The following COX7A2L variants were observed in gnomAD, a reference collection of about 807,000 sequenced individuals.
COX7A2L encodes the protein cytochrome c oxidase subunit 7A2-like, mitochondrial.
In COX7A2L, 18 loss-of-function variants were observed where a neutral mutation model predicts 14.2. The observed-to-expected ratio is 1.27, with a 90% CI of 0.88 to 1.88. COX7A2L has a LOEUF of 1.88. Among genes scored for constraint, COX7A2L ranks in the 40% most tolerant of loss-of-function variants. The pLI is 0.00. For missense variants in COX7A2L, 179 were observed against 138.8 expected (o/e 1.29, Z -1.46); for synonymous variants, 65 against 57.4 (o/e 1.13, Z -0.60).
At chr2:42,349,003 G>A (rs1447947498), downstream of COX7A2L, among the ~76,000 whole-genome samples, 1 of 152,138 alleles carries the variant, frequency 6.6e-6, no homozygotes, top group Non-Finnish European at 1.5e-5. Flanking sequence ...AAAAGGAACT[G>A]CATGTGCTGG....
At chr2:42,357,408 A>G in intron 1 of COX7A2L, among the ~76,000 whole-genome samples, 1 of 152,186 alleles carries the variant, frequency 6.6e-6, no homozygotes. Flanking sequence ...TCCTAGGCTC[A>G]AGTGATCCTT....
downstream of COX7A2L, among the ~76,000 whole-genome samples, chr2:42,347,945 A>G (rs1358543023): frequency 2.6e-5 from 4 of 152,178 alleles, no homozygotes; most frequent in Non-Finnish European, 5.9e-5. Flanking sequence ...ATGCATCTAT[A>G]TATGTTCATA....
upstream of COX7A2L, among the ~76,000 whole-genome samples, chr2:42,364,250 C>CAAAAAAAAAAA (rs35151680): frequency 3.6e-4 from 31 of 85,412 alleles, no homozygotes; most frequent in African/African-American, 1.1e-3. Context: ...GACTCCGTCT[C>CAAAAAAAAAAA]AAAAAAAAAA....
intron 1 of COX7A2L, among the ~76,000 whole-genome samples, chr2:42,358,660 A>G (rs1670908859): frequency 6.6e-6 from 1 of 152,230 alleles, no homozygotes; most frequent in Admixed American, 6.5e-5. Context: ...TCAAATTCTC[A>G]AGAGAAACAC....
intron 2 of COX7A2L, among the ~76,000 whole-genome samples, chr2:42,340,716 A>G: frequency 6.6e-6 from 1 of 151,920 alleles, no homozygotes; most frequent in East Asian, 1.9e-4. Context: ...ACAGCGCCCC[A>G]GTGGGAGCTT....
intron 2 of COX7A2L, among the ~76,000 whole-genome samples, chr2:42,341,038 C>A (rs1049986700): frequency 3.3e-5 from 4 of 120,186 alleles, no homozygotes; most frequent in Non-Finnish European, 7.5e-5. Context: ...CCCACGCTGG[C>A]TTAGAGATTC....
rs1670340769 is a variant in COX7A2L at position 42,338,781 on chromosome 2, A to G, written c.193-4912T>C. ...CAGGGAGAATTACTGCTTCCCATGA[A>G]AGCATTTTCCAGTGAGTGGAGGTGG... On this transcript the variant is annotated intron_variant, in intron 2 of 2. Coordinates refer to the COX7A2L transcript ENST00000468711. The surrounding 1 kb of genome is among the most constrained non-coding windows in gnomAD (Gnocchi z 4.4). Among the ~76,000 whole-genome samples the G allele has an allele frequency of 6.6e-6, 1 of 152,224 alleles. No homozygotes were observed. Among genetic ancestry groups the G allele is most frequent in the African/African-American group, 2.4e-5 (1 of 41,456 alleles).
intron 1 of COX7A2L, among the ~76,000 whole-genome samples, chr2:42,367,846 T>A (rs931040461): frequency 6.6e-6 from 1 of 152,378 alleles, no homozygotes; most frequent in Admixed American, 6.5e-5. Context: ...TTTCATTGTA[T>A]GATCCTCACA....
chr2:42,346,055 T>A (rs1222979034), downstream of COX7A2L, among the ~76,000 whole-genome samples: 6 of 152,106 alleles, frequency 3.9e-5, no homozygotes, highest in African/African-American at 1.4e-4. Context: ...CATCCAAGAA[T>A]AGGGCAGCCT....
chr2:42,346,430 T>C (rs1162942688), downstream of COX7A2L, among the ~76,000 whole-genome samples: 1 of 152,184 alleles, frequency 6.6e-6, no homozygotes, highest in African/African-American at 2.4e-5. Context: ...CAGGAGTCAC[T>C]AGAGACTATT....
chr2:42,362,063 G>A (rs1463099500), upstream of COX7A2L, among the ~76,000 whole-genome samples: 9 of 152,174 alleles, frequency 5.9e-5, no homozygotes, highest in Non-Finnish European at 2.9e-5. Flanking sequence ...TGAGTTTTAA[G>A]GTCATTGATT....
chr2:42,356,571 T>C (rs1250057970), intron 1 of COX7A2L, among the ~76,000 whole-genome samples: 1 of 152,252 alleles, frequency 6.6e-6, no homozygotes, highest in African/African-American at 2.4e-5. Context: ...TCAACTGGCA[T>C]TTGATGGCAG....
Position 42,351,227 on chromosome 2 carries a change from T to G in COX7A2L, c.337A>C (p.Asn113His), listed in dbSNP as rs199682193. The change falls in exon 3 of 3, where the codon AAC becomes CAC. Residue 113 changes from asparagine to histidine, a missense_variant. Physicochemically the swap from Asn to His is moderately conservative, Grantham distance 68 (BLOSUM62 1). Transcript: ENST00000234301. The stretch of plus-strand genomic sequence containing the variant: ...GTCCTCTGCAGCCTAACTCATTTGT[T>G]TTTGGGCTGCGAAGCCATGTAGAGG... Reference protein sequence around the residue: ...IALYMASQPKNK With the variant: ...IALYMASQPKHK 6.2e-7 allele frequency: 1 copy of G among 1,613,752 alleles called. No individual in the cohort carries two copies. The highest frequency in any genetic ancestry group is 2.2e-5 in the East Asian group (1 of 44,864).
chr2:42,363,143 C>T (rs577477203), upstream of COX7A2L, among the ~76,000 whole-genome samples: 4 of 152,212 alleles, frequency 2.6e-5, no homozygotes, highest in East Asian at 7.7e-4. Flanking sequence ...TCCCAAAATG[C>T]TGGGATTACA....
intron 2 of COX7A2L, among the ~76,000 whole-genome samples, chr2:42,341,199 G>A (rs1670398429): frequency 1.3e-5 from 2 of 152,122 alleles, no homozygotes; most frequent in African/African-American, 2.4e-5. Context: ...CCACTAGACA[G>A]GAGCGTGGAA....
At position 42,358,161 on chromosome 2, in the gene COX7A2L, C is replaced by A. The variant is rs533838396; in HGVS notation, c.72+2929G>T. Among the ~76,000 whole-genome samples, 4 of 152,320 alleles carry A rather than the reference C, an allele frequency of 2.6e-5. No homozygotes were observed. The East Asian group carries it at 7.7e-4, about 29-fold the overall frequency. The stretch of plus-strand genomic sequence containing the variant: ...CATCCTCACCAATACTTGTTATCAT[C>A]TGTCTTTTTGATTCTAGGCATTCTG... On this transcript the variant is annotated intron_variant, in intron 1 of 2. Coordinates refer to ENST00000234301, the MANE Select transcript of COX7A2L (RefSeq NM_004718.4).
intron 1 of COX7A2L, among the ~76,000 whole-genome samples, chr2:42,354,213 T>A (rs1265174906): frequency 6.6e-6 from 1 of 152,186 alleles, no homozygotes; most frequent in Non-Finnish European, 1.5e-5. Context: ...CCCTAAATTG[T>A]ACCCTTTAAA....
Position 42,360,361 on chromosome 2 carries a change from CAATT to C in COX7A2L, c.72+725_72+728del, listed in dbSNP as rs775163072. On this transcript the variant is annotated intron_variant, in intron 1 of 2. Transcript: ENST00000234301. ...ATTAAATAACTTGGCCAAGGTCACA[CAATT>C]AAAGCGGAAAACGCCATGATTTGAA... 8.2e-4 allele frequency among the ~76,000 whole-genome samples: 125 copies of C among 152,268 alleles called. 1 individual carries two copies. Among genetic ancestry groups the C allele is most frequent in the Admixed American group, 2.3e-3 (35 of 15,298 alleles).
At chr2:42,353,077 C>A in intron 2 of COX7A2L, 135 bp downstream of exon 2, 1 of 1,114,018 alleles carries the variant, frequency 9.0e-7, no homozygotes. Context: ...ATGGCTCAAA[C>A]TAAAATCAAG....
Sources: gnomAD v4.1 joint callset for allele counts (sites outside exome capture counted in the v4.1 genomes callset) on GRCh38, gnomAD v4.1.1 for gene constraint, Gnocchi (gnomAD v3.1) non-coding constraint, MANE v1.5 for transcripts, NCBI Gene and HGNC (gene_info 2026-07-23, HGNC 2026-07-21) for gene names.